ENAH: variants seen among roughly 807,000 people sequenced by gnomAD.
ENAH encodes ENAH actin regulator.
Under a neutral mutation model 78.7 loss-of-function variants are expected in ENAH, and 23 were observed. That is an observed-to-expected ratio of 0.29 (90% CI 0.21 to 0.41). ENAH has a LOEUF of 0.41. Ranked by LOEUF, ENAH falls within the 10% of genes least tolerant of loss-of-function variation. The probability of loss-of-function intolerance (pLI) is 1.00; values close to 1 mark genes in which losing one functional copy is unlikely to be tolerated. For synonymous variants in ENAH, 226 were observed against 241.0 expected, an observed-to-expected ratio of 0.94 and a Z score of 0.58; for missense variants, 544 against 691.0, an observed-to-expected ratio of 0.79 and a Z score of 2.39.
chr1:225,563,063 A>C (rs1364536535), intron 2 of ENAH, among the ~76,000 whole-genome samples: 1 of 151,902 alleles, frequency 6.6e-6, no homozygotes, highest in Non-Finnish European at 1.5e-5. Flanking sequence ...CTTAAGTATC[A>C]TTATATTAAT....
chr1:225,638,807 A>T (rs1032942531), intron 1 of ENAH, among the ~76,000 whole-genome samples: 1 of 152,264 alleles, frequency 6.6e-6, no homozygotes. Flanking sequence ...GAGAATCTAT[A>T]ACGACATATA....
At chr1:225,498,460 T>C in intron 12 of ENAH, 56 bp from the exon 13 acceptor site, 1 of 1,075,642 alleles carries the variant, frequency 9.3e-7, no homozygotes, top group Non-Finnish European at 1.4e-6. Flanking sequence ...ACTAAAGAGA[T>C]TCTTACTCAT....
chr1:225,537,223 T>C (rs977116124), intron 3 of ENAH, among the ~76,000 whole-genome samples: 1 of 152,144 alleles, frequency 6.6e-6, no homozygotes. Context: ...CCACATCCCA[T>C]TACCAATCAT....
chr1:225,589,697 G>T (rs959012727), intron 1 of ENAH, among the ~76,000 whole-genome samples: 7 of 152,082 alleles, frequency 4.6e-5, no homozygotes, highest in Non-Finnish European at 8.8e-5. Context: ...CCCATAGGGG[G>T]CCAACTGTAT....
intron 2 of ENAH, among the ~76,000 whole-genome samples, chr1:225,557,921 G>T (rs1280698540): frequency 6.6e-6 from 1 of 152,062 alleles, no homozygotes; most frequent in African/African-American, 2.4e-5. Flanking sequence ...ACAGCTAAGG[G>T]TTTCCATCAT....
At chr1:225,608,220 G>GAAAAAAAAAAAAAAAAA (rs60998592) in intron 1 of ENAH, among the ~76,000 whole-genome samples, 28 of 91,238 alleles carry the variant, frequency 3.1e-4, no homozygotes, top group African/African-American at 7.8e-4. Context: ...ATAAAAAACA[G>GAAAAAAAAAAAAAAAAA]AAAAAAAAAA....
chr1:225,523,856 G>T (rs1215250412), intron 4 of ENAH, among the ~76,000 whole-genome samples: 1 of 152,128 alleles, frequency 6.6e-6, no homozygotes, highest in Non-Finnish European at 1.5e-5. Flanking sequence ...TACTGGAAAT[G>T]CACATGGCTC....
chr1:225,630,536 G>A (rs1481078770), intron 1 of ENAH, among the ~76,000 whole-genome samples: 2 of 152,188 alleles, frequency 1.3e-5, no homozygotes, highest in East Asian at 1.9e-4. Flanking sequence ...GAGATGAACA[G>A]TTGATATTTG....
chr1:225,628,633 G>A (rs545918337), intron 1 of ENAH, among the ~76,000 whole-genome samples: 7 of 152,116 alleles, frequency 4.6e-5, no homozygotes, highest in East Asian at 3.9e-4. Flanking sequence ...CAACTAGGCC[G>A]GGCACAGTGG....
intron 1 of ENAH, among the ~76,000 whole-genome samples, chr1:225,613,922 C>G (rs1445042790): frequency 6.6e-6 from 1 of 152,184 alleles, no homozygotes; most frequent in Admixed American, 6.5e-5. Context: ...CAATCTCATG[C>G]CCCAGGTTGT....
intron 1 of ENAH, among the ~76,000 whole-genome samples, chr1:225,627,557 A>C (rs1658179330): frequency 6.6e-6 from 1 of 152,248 alleles, no homozygotes; most frequent in South Asian, 2.1e-4. Flanking sequence ...ATGAGGCCAG[A>C]GGAGACCAGA....
chr1:225,537,481 T>G (rs1235537227), intron 3 of ENAH, among the ~76,000 whole-genome samples: 1 of 152,234 alleles, frequency 6.6e-6, no homozygotes, highest in Non-Finnish European at 1.5e-5. Context: ...AGATGCTAAA[T>G]TATTCATGCC....
At chr1:225,637,255 T>A (rs183816140) in intron 1 of ENAH, among the ~76,000 whole-genome samples, 3 of 152,322 alleles carry the variant, frequency 2.0e-5, no homozygotes, top group Non-Finnish European at 4.4e-5. Flanking sequence ...TCGCCCAGGC[T>A]GGAGTGAAGT....
At chr1:225,537,823 G>C (rs1375682443) in intron 3 of ENAH, among the ~76,000 whole-genome samples, 1 of 151,544 alleles carries the variant, frequency 6.6e-6, no homozygotes, top group Admixed American at 6.6e-5. Context: ...ACCATTAGGC[G>C]TTTTGTACAA....
At chr1:225,581,154 TG>T in intron 1 of ENAH, 1 of 473,658 alleles carries the variant, frequency 2.1e-6, no homozygotes, top group Non-Finnish European at 2.8e-6. Context: ...AAGAAAAATG[TG>T]GGAAAACACT....
intron 1 of ENAH, among the ~76,000 whole-genome samples, chr1:225,633,428 G>C (rs1353037042): frequency 6.6e-6 from 1 of 152,034 alleles, no homozygotes; most frequent in African/African-American, 2.4e-5. Flanking sequence ...TCCAACATGA[G>C]ACTTGAGACA....
chr1:225,497,851 G>A, intron 13 of ENAH, 39 bp from the exon 14 acceptor site: 1 of 1,550,102 alleles, frequency 6.5e-7, no homozygotes, highest in Non-Finnish European at 8.9e-7. Context: ...TAAATATAAT[G>A]ATAAAGTAAG....
intron 1 of ENAH, among the ~76,000 whole-genome samples, chr1:225,622,423 A>AT (rs1459956048): frequency 2.6e-5 from 4 of 152,132 alleles, no homozygotes; most frequent in Admixed American, 6.5e-5. Flanking sequence ...CCCCATCTCT[A>AT]TTTTTTTAAA....
intron 4 of ENAH, among the ~76,000 whole-genome samples, chr1:225,526,949 A>G (rs1191208219): frequency 6.6e-6 from 1 of 152,206 alleles, no homozygotes; most frequent in Non-Finnish European, 1.5e-5. Context: ...AGAGGCCCTT[A>G]AGTAAATGAG....
Sources: gnomAD v4.1 joint callset for allele counts (sites outside exome capture counted in the v4.1 genomes callset) on GRCh38, gnomAD v4.1.1 for gene constraint, MANE v1.5 for transcripts, NCBI Gene and HGNC (gene_info 2026-07-23, HGNC 2026-07-21) for gene names.